TEN1: variants seen among roughly 807,000 people sequenced by gnomAD.
TEN1 encodes the protein TEN1 subunit of CST complex, also known as CST complex subunit TEN1.
TEN1 carries 6 observed loss-of-function variants against 9.3 expected under a neutral mutation model. That is an observed-to-expected ratio of 0.65 (90% CI 0.35 to 1.27). TEN1 has a LOEUF of 1.27. Among genes scored for constraint, TEN1 ranks in the 50% most tolerant of loss-of-function variants. The pLI is 0.03. For missense variants in TEN1, 149 were observed against 158.2 expected, an observed-to-expected ratio of 0.94 and a Z score of 0.31; for synonymous variants, 65 against 65.6, an observed-to-expected ratio of 0.99 and a Z score of 0.04.
At chr17:75,980,393 G>C (rs1371859809) in intron 1 of TEN1, among the ~76,000 whole-genome samples, 1 of 151,974 alleles carries the variant, frequency 6.6e-6, no homozygotes, top group Admixed American at 6.6e-5. Context: ...TTGTAGACAA[G>C]GGAGATTCAG....
At chr17:75,981,371 G>C (rs377160867) in intron 1 of TEN1, among the ~76,000 whole-genome samples, 1 of 151,974 alleles carries the variant, frequency 6.6e-6, no homozygotes, top group African/African-American at 2.4e-5. Flanking sequence ...GTCTTTATTA[G>C]AGGCAGGGTT....
chr17:75,991,237 T>C (rs1007789080), intron 2 of TEN1, among the ~76,000 whole-genome samples: 1 of 148,980 alleles, frequency 6.7e-6, no homozygotes, highest in South Asian at 2.1e-4. Flanking sequence ...CTTATCAAAA[T>C]ATGCCATTAA....
rs1300585979 is a variant in TEN1, at chr17:76,000,266, A to G, written c.*4A>G. The G allele has an allele frequency of 5.2e-6, 8 of 1,550,628 alleles. No homozygotes were observed. The highest frequency in any genetic ancestry group is 3.9e-5 in the Admixed American group (2 of 50,924). ...GGAGCGGGGCGGCAGCCAGTAGGAA[A>G]CAGCAGCCTAGCAACACCCTCACCT... On this transcript the variant is annotated 3_prime_UTR_variant, in exon 4 of 4. Transcript: ENST00000397640. This position sits in a 1 kb window ranked among gnomAD's most constrained non-coding sequence, Gnocchi z 5.9.
intron 2 of TEN1, among the ~76,000 whole-genome samples, chr17:75,987,437 C>T (rs1471781264): frequency 6.6e-6 from 1 of 152,164 alleles, no homozygotes. Flanking sequence ...AGAGAAAGAG[C>T]AGGGTGAAAA....
intron 2 of TEN1, 68 bp from the exon 3 acceptor site, chr17:75,991,398 C>T: frequency 6.6e-7 from 1 of 1,505,616 alleles, no homozygotes. Context: ...CTTGGCCATG[C>T]AAACCTTTTG....
chr17:75,995,147 G>A (rs1169639518), intron 3 of TEN1, among the ~76,000 whole-genome samples: 1 of 151,736 alleles, frequency 6.6e-6, no homozygotes, highest in African/African-American at 2.4e-5. Context: ...CTTGAGTCCA[G>A]GAGTTCAAGG....
intron 1 of TEN1, among the ~76,000 whole-genome samples, chr17:75,980,860 T>G (rs1481833806): frequency 6.6e-6 from 1 of 152,222 alleles, no homozygotes; most frequent in Non-Finnish European, 1.5e-5. Context: ...CTCATTTGTC[T>G]TATTAAGCTG....
rs532734615 is a variant in TEN1, at chr17:75,994,465, C to T, written c.250+2842C>T. ...AAAAAAAGAAAAAGAAAAAGTTTGT[C>T]TTGATTTTCTCTTATTTTTTGTGAG... On this transcript the variant is annotated intron_variant, in intron 3 of 3. Coordinates refer to ENST00000397640, the MANE Select transcript of TEN1 (RefSeq NM_001113324.3). Among the ~76,000 whole-genome samples, 327 of 150,774 alleles carry T rather than the reference C, an allele frequency of 2.2e-3. 2 individuals carry two copies. Among genetic ancestry groups the T allele is most frequent in the Non-Finnish European group, 4.3e-3 (289 of 67,696 alleles).
chr17:75,997,695 T>C (rs922965491), intron 3 of TEN1, among the ~76,000 whole-genome samples: 17 of 152,124 alleles, frequency 1.1e-4, no homozygotes, highest in Admixed American at 7.2e-4. Flanking sequence ...TACACTAGAG[T>C]CTGACCTACC....
chr17:75,993,355 G>A (rs1016422792), intron 3 of TEN1, among the ~76,000 whole-genome samples: 2 of 151,842 alleles, frequency 1.3e-5, no homozygotes, highest in African/African-American at 2.4e-5. Context: ...TGCCCGCCTC[G>A]GCCTCCCAAA....
In TEN1 at chr17:76,000,251, G is replaced by A. The variant is rs955813218; in HGVS notation, c.361G>A (p.Gly121Ser). 7 of 1,551,058 alleles carry A rather than the reference G, an allele frequency of 4.5e-6. No homozygotes were observed. The highest frequency in any genetic ancestry group is 3.3e-4 in the Middle Eastern group (2 of 5,990). The change falls in exon 4 of 4, where the codon GGC (glycine) becomes AGC (serine). Residue 121 changes from glycine to serine, a missense_variant. Physicochemically the swap from Gly to Ser is moderately conservative, Grantham distance 56 (BLOSUM62 0). Transcript: ENST00000397640. This position sits in a 1 kb window ranked among gnomAD's most constrained non-coding sequence, Gnocchi z 5.9. The part of the protein sequence containing the change: ...EQRLYKQERG[G>S]SQ Reference sequence around the variant, plus strand: ...GAGACTGTACAAGCAGGAGCGGGGCGGCAGCCAGTAGGAAACAGCAGCCTA... The same window carrying A: ...GAGACTGTACAAGCAGGAGCGGGGCAGCAGCCAGTAGGAAACAGCAGCCTA...
At chr17:75,995,471 C>G (rs2066213032) in intron 3 of TEN1, among the ~76,000 whole-genome samples, 1 of 152,216 alleles carries the variant, frequency 6.6e-6, no homozygotes, top group Admixed American at 6.6e-5. Flanking sequence ...TGTGGCCAGA[C>G]TGACAGTACT....
chr17:75,985,725 T>C (rs1235611636), intron 1 of TEN1, among the ~76,000 whole-genome samples: 2 of 151,950 alleles, frequency 1.3e-5, no homozygotes, highest in Non-Finnish European at 2.9e-5. Context: ...CGTTTCTCCA[T>C]GTTGGTCAGG....
In TEN1 at chr17:76,000,104, C is replaced by G; in HGVS notation, c.251-37C>G. On this transcript the variant is annotated intron_variant, in intron 3 of 3. Transcript: ENST00000397640. This position sits in a 1 kb window ranked among gnomAD's most constrained non-coding sequence, Gnocchi z 5.9. ...CTTGGAGGACGTTGTTGACACGCCG[C>G]TCAGTCGCCGTTCGTGCCCTGGTGT... The G allele has an allele frequency of 6.5e-7, 1 of 1,545,226 alleles. No individual in the cohort carries two copies. Among genetic ancestry groups the G allele is most frequent in the South Asian group, 1.2e-5 (1 of 83,730 alleles).
chr17:75,994,805 G>A (rs750254670), intron 3 of TEN1, among the ~76,000 whole-genome samples: 4 of 152,072 alleles, frequency 2.6e-5, no homozygotes, highest in Non-Finnish European at 4.4e-5. Flanking sequence ...ATACACGCTC[G>A]TCATTCACGG....
At chr17:75,986,129 T>TG in intron 1 of TEN1, 58 bp from the exon 2 acceptor site, 1 of 1,316,996 alleles carries the variant, frequency 7.6e-7, no homozygotes, top group South Asian at 1.4e-5. Flanking sequence ...ATCTCTGTTT[T>TG]GTAGTCTATC....
rs188696204 is a variant in TEN1 at position 75,991,706 on chromosome 17, C to T, written c.250+83C>T. ...CGGGGCAGTCAGTGAGAAATGGGCT[C>T]GTGACCCAACAGCAATGTCTCATCA... is the stretch of plus-strand genomic sequence containing the variant. On this transcript the variant is annotated intron_variant, in intron 3 of 3. Transcript: ENST00000397640. 38 of 1,168,960 alleles carry T rather than the reference C, an allele frequency of 3.3e-5. No individual in the cohort carries two copies. In the East Asian group the frequency reaches 9.6e-4, roughly 30 times the overall value. The allele number at this position is 1,168,960 out of a possible 1,614,324, so 72.4% of individuals were successfully genotyped here. A position where few individuals can be genotyped will look rare whatever the true frequency, so the allele number is the denominator to read the frequency against.
At chr17:75,983,003 C>T (rs890072161) in intron 1 of TEN1, among the ~76,000 whole-genome samples, 10 of 150,306 alleles carry the variant, frequency 6.7e-5, no homozygotes, top group Non-Finnish European at 1.0e-4. Flanking sequence ...GGAAGAGGCC[C>T]GGTGAGGTGT....
chr17:75,979,721 C>G (rs1207832668), intron 1 of TEN1, among the ~76,000 whole-genome samples: 2 of 151,994 alleles, frequency 1.3e-5, no homozygotes, highest in African/African-American at 4.8e-5. Flanking sequence ...TGGGCTTTTG[C>G]CAAATCCACC....
Sources: gnomAD v4.1 joint callset for allele counts (sites outside exome capture counted in the v4.1 genomes callset) on GRCh38, gnomAD v4.1.1 for gene constraint, Gnocchi (gnomAD v3.1) non-coding constraint, MANE v1.5 for transcripts, NCBI Gene and HGNC (gene_info 2026-07-23, HGNC 2026-07-21) for gene names.